RGS20: variants seen among roughly 807,000 people sequenced by gnomAD.
RGS20 encodes gz-selective GTPase-activating protein.
In RGS20, 30 loss-of-function variants were observed where a neutral mutation model predicts 33.6. That is an observed-to-expected ratio of 0.89 (90% CI 0.67 to 1.21). RGS20 has a LOEUF of 1.21. Ranked by LOEUF, RGS20 falls within the 50% of genes most tolerant of loss-of-function variation. RGS20 has a pLI of 0.00. For synonymous variants in RGS20, 208 were observed against 197.9 expected, an observed-to-expected ratio of 1.05 and a Z score of -0.43; for missense variants, 472 against 502.4, an observed-to-expected ratio of 0.94 and a Z score of 0.58.
At chr8:53,857,424 GA>G (rs984711271) in intron 1 of RGS20, among the ~76,000 whole-genome samples, 18 of 152,012 alleles carry the variant, frequency 1.2e-4, no homozygotes, top group African/African-American at 3.4e-4. Context: ...TTGGGAAAGT[GA>G]AAAAAGGTCT....
chr8:53,946,565 A>G (rs773833373), intron 3 of RGS20, 100 bp from the exon 3 acceptor site: 2 of 1,005,230 alleles, frequency 2.0e-6, no homozygotes, highest in South Asian at 1.3e-5. Flanking sequence ...AAGAAATTCT[A>G]TTAATACTTG....
At chr8:53,884,173 C>A (rs971781807) in intron 2 of RGS20, among the ~76,000 whole-genome samples, 17 of 149,186 alleles carry the variant, frequency 1.1e-4, no homozygotes, top group African/African-American at 4.0e-4. Context: ...TGTCCATCAT[C>A]CAAATTAGAA....
At chr8:53,907,364 A>T (rs1245634526) in intron 2 of RGS20, among the ~76,000 whole-genome samples, 1 of 152,128 alleles carries the variant, frequency 6.6e-6, no homozygotes, top group Non-Finnish European at 1.5e-5. Flanking sequence ...AGGTGGGCAG[A>T]TCACGAGATC....
intron 2 of RGS20, among the ~76,000 whole-genome samples, chr8:53,932,483 C>T (rs1444938735): frequency 2.0e-5 from 3 of 152,148 alleles, no homozygotes; most frequent in Non-Finnish European, 2.9e-5. Context: ...AGGCGGTTTT[C>T]CCCTCACACA....
At chr8:53,930,445 C>T (rs536754700) in intron 2 of RGS20, among the ~76,000 whole-genome samples, 1 of 152,294 alleles carries the variant, frequency 6.6e-6, no homozygotes, top group African/African-American at 2.4e-5. Context: ...ATTGGGAAGA[C>T]CCAGTGTGGC....
chr8:53,874,197 A>AAAAGAAT (rs1490706918), intron 1 of RGS20, among the ~76,000 whole-genome samples: 5 of 152,188 alleles, frequency 3.3e-5, no homozygotes, highest in Admixed American at 6.5e-5. Flanking sequence ...GAAAAAAGAA[A>AAAAGAAT]GAAAGTCTGC....
At chr8:53,886,799 G>A (rs954864936) in intron 2 of RGS20, among the ~76,000 whole-genome samples, 13 of 152,170 alleles carry the variant, frequency 8.5e-5, no homozygotes, top group Non-Finnish European at 1.9e-4. Context: ...GGACACTGGG[G>A]ACTTTAACCC....
At chr8:53,930,713 T>C (rs1015864915) in intron 2 of RGS20, among the ~76,000 whole-genome samples, 5 of 151,988 alleles carry the variant, frequency 3.3e-5, no homozygotes, top group Admixed American at 3.3e-4. Flanking sequence ...ACTCAGCTAA[T>C]TTTTTTTGTA....
intron 1 of RGS20, among the ~76,000 whole-genome samples, chr8:53,866,767 T>C (rs1357986723): frequency 6.6e-6 from 1 of 152,232 alleles, no homozygotes; most frequent in South Asian, 2.1e-4. Context: ...GTGCAAAGGC[T>C]GGAACTGTTA....
intron 4 of RGS20, among the ~76,000 whole-genome samples, chr8:53,948,145 T>C (rs1038223457): frequency 2.2e-5 from 3 of 135,796 alleles, no homozygotes; most frequent in South Asian, 4.6e-4. Flanking sequence ...ATATATATGA[T>C]ATAGTATATA....
At chr8:53,933,217 A>G (rs988500209) in intron 2 of RGS20, among the ~76,000 whole-genome samples, 4 of 152,214 alleles carry the variant, frequency 2.6e-5, no homozygotes, top group African/African-American at 9.6e-5. Flanking sequence ...CCAAAGGATC[A>G]CAACTCGTTG....
chr8:53,956,673 G>A (rs938587819), intron 5 of RGS20, among the ~76,000 whole-genome samples: 6 of 152,250 alleles, frequency 3.9e-5, no homozygotes, highest in South Asian at 4.1e-4. Flanking sequence ...TTAAGTTTGC[G>A]TTGTTAAATT....
chr8:53,890,925 T>G (rs2129277601), intron 2 of RGS20, among the ~76,000 whole-genome samples: 1 of 152,358 alleles, frequency 6.6e-6, no homozygotes, highest in Non-Finnish European at 1.5e-5. Flanking sequence ...GATTCCAGAA[T>G]GAAAGCCTGA....
At chr8:53,872,068 C>T (rs940083926) in intron 1 of RGS20, among the ~76,000 whole-genome samples, 2 of 152,170 alleles carry the variant, frequency 1.3e-5, no homozygotes. Context: ...CCTCTCCTTT[C>T]AGTAAGCCAT....
chr8:53,891,258 C>T (rs1245500998), intron 2 of RGS20, among the ~76,000 whole-genome samples: 1 of 152,204 alleles, frequency 6.6e-6, no homozygotes, highest in African/African-American at 2.4e-5. Flanking sequence ...TTTGCTTTCA[C>T]AGTTCTCTGA....
At chr8:53,853,659 C>G (rs1421239544) in intron 1 of RGS20, among the ~76,000 whole-genome samples, 1 of 152,128 alleles carries the variant, frequency 6.6e-6, no homozygotes, top group Non-Finnish European at 1.5e-5. Flanking sequence ...TCTGCAGATA[C>G]CATTGAATCC....
chr8:53,919,842 T>C (rs1049523956), intron 2 of RGS20, among the ~76,000 whole-genome samples: 1 of 152,084 alleles, frequency 6.6e-6, no homozygotes, highest in Non-Finnish European at 1.5e-5. Flanking sequence ...CTAACAGCAT[T>C]GTCTTATATT....
At chr8:53,946,544 C>A in intron 3 of RGS20, 121 bp from the exon 3 acceptor site, 1 of 847,550 alleles carries the variant, frequency 1.2e-6, no homozygotes, top group Non-Finnish European at 2.0e-6. Flanking sequence ...ATTTTTTTTT[C>A]CAAGTAGAGG....
chr8:53,938,717 C>G (rs1814204429), intron 2 of RGS20, among the ~76,000 whole-genome samples: 1 of 152,158 alleles, frequency 6.6e-6, no homozygotes, highest in South Asian at 2.1e-4. Context: ...TTGCAATTAG[C>G]TCCATCAAGT....
Sources: allele counts gnomAD v4.1 joint callset (sites outside exome capture counted in the v4.1 genomes callset), GRCh38; gene constraint gnomAD v4.1.1; transcripts MANE v1.5; gene names NCBI Gene and HGNC (gene_info 2026-07-23, HGNC 2026-07-21).